Variants in DNAH12 observed in about 807,000 individuals in gnomAD.
DNAH12 encodes the protein axonemal beta dynein heavy chain 12.
In DNAH12, 285 loss-of-function variants were observed where a neutral mutation model predicts 371.5. The ratio of observed to expected loss-of-function variants is 0.77; its 90% CI spans 0.70 to 0.85. The LOEUF (loss-of-function observed/expected upper bound fraction) is 0.85. DNAH12 is among the 40% of genes least tolerant of loss of function. The pLI, the probability that DNAH12 is intolerant of heterozygous loss-of-function variation, is 0.00. For missense variants in DNAH12, 3,611 were observed against 3,689.4 expected, an observed-to-expected ratio of 0.98 and a Z score of 0.55; for synonymous variants, 1,200 against 1,213.0, an observed-to-expected ratio of 0.99 and a Z score of 0.22.
chr3:57,456,161 T>C (rs193290939), intron 22 of DNAH12, among the ~76,000 whole-genome samples: 130 of 152,346 alleles, frequency 8.5e-4, no homozygotes, highest in African/African-American at 2.9e-3. Flanking sequence ...TCAATTTCTA[T>C]ACTGATTAAA....
Position 57,314,573 on chromosome 3 carries a change from T to G in DNAH12, c.10583A>C (p.Lys3528Thr). ...ATTCCAACCAAGAGGACCAAATTTC[T>G]TTCTCTCTTGCACAAGGGCATGAAA... ...CFFHALVQER[K>T]KFGPLGWNIP... is the part of the protein sequence containing the mutation. Residue 3528 changes from lysine (K) to threonine (T), a missense_variant, in exon 66 of 74, where the codon AAG (lysine) becomes ACG (threonine). By Grantham distance (78) the Lys-to-Thr change is moderately conservative. Around this residue, in one of 3 missense-constraint regions of DNAH12, gnomAD observed 2,266 missense variants for 2,236.9 expected, o/e 1.01. Transcript: ENST00000495027. The G allele has an allele frequency of 6.4e-7, 1 of 1,551,446 alleles. No homozygotes were observed. The highest frequency in any genetic ancestry group is 8.7e-7 in the Non-Finnish European group (1 of 1,146,932).
At chr3:57,422,756 A>C (rs1384522856) in intron 35 of DNAH12, among the ~76,000 whole-genome samples, 1 of 152,268 alleles carries the variant, frequency 6.6e-6, no homozygotes, top group Non-Finnish European at 1.5e-5. Flanking sequence ...TGACACATGT[A>C]CAAGAATATT....
chr3:57,456,489 T>C (rs1422321360), intron 22 of DNAH12, among the ~76,000 whole-genome samples: 1 of 152,162 alleles, frequency 6.6e-6, no homozygotes, highest in Non-Finnish European at 1.5e-5. Context: ...TGGATTAACA[T>C]AAGTGAGATA....
intron 34 of DNAH12, chr3:57,428,367 A>G (rs1032676537): frequency 2.3e-5 from 31 of 1,321,628 alleles, no homozygotes; most frequent in Non-Finnish European, 2.8e-5. Context: ...TTAGAGGCAC[A>G]TATTTAAAAT....
At chr3:57,393,498 C>T (rs1456155537) in intron 44 of DNAH12, among the ~76,000 whole-genome samples, 14,308 of 151,352 alleles carry the variant, frequency 0.095, 1,320 homozygotes, top group East Asian at 0.51. Context: ...TGGTGGCAGG[C>T]GCCTGTGGTT....
intron 10 of DNAH12, 72 bp from the exon 11 acceptor site, chr3:57,501,484 T>C: frequency 9.4e-7 from 1 of 1,058,918 alleles, no homozygotes; most frequent in South Asian, 1.5e-5. Context: ...TTTTATATGA[T>C]CATGGAATGG....
chr3:57,510,652 A>C lies in DNAH12; in HGVS notation c.469+138T>G, dbSNP rs1182254785. ...TCATGTCTCGAAGAAAAAAAATAAA[A>C]AGAAAAGAAGAAAAAAACCAGATAT... On this transcript the variant is annotated intron_variant, in intron 5 of 73. Coordinates refer to ENST00000495027, the MANE Select transcript of DNAH12 (RefSeq NM_001366028.2). The C allele has an allele frequency of 5.1e-6, 4 of 786,004 alleles. No individual in the cohort carries two copies. The African/African-American group carries it at 7.2e-5, about 14-fold the overall frequency. The allele number at this position is 786,004 out of a possible 1,614,324, so 48.7% of individuals were successfully genotyped here.
chr3:57,501,289 A>T (rs2067534142), intron 11 of DNAH12, 32 bp downstream of exon 11: 2 of 1,542,222 alleles, frequency 1.3e-6, no homozygotes, highest in African/African-American at 2.8e-5. Context: ...AAAAATTCAA[A>T]ACGCATTAAT....
intron 32 of DNAH12, 144 bp from the exon 33 acceptor site, chr3:57,429,918 G>C (rs1008725246): frequency 9.2e-6 from 6 of 654,364 alleles, no homozygotes; most frequent in Non-Finnish European, 1.5e-5. Flanking sequence ...TTAATTCTAG[G>C]TCTAGCCCTG....
intron 29 of DNAH12, among the ~76,000 whole-genome samples, chr3:57,442,799 A>G (rs2065349200): frequency 1.3e-5 from 2 of 152,238 alleles, no homozygotes; most frequent in South Asian, 4.1e-4. Context: ...TAAAATGCAT[A>G]TTAGTATTTG....
chr3:57,409,644 A>G (rs1183230898), intron 39 of DNAH12, among the ~76,000 whole-genome samples: 1 of 152,164 alleles, frequency 6.6e-6, no homozygotes, highest in African/African-American at 2.4e-5. Context: ...GATTATCTCA[A>G]CAATGGTTAT....
At chr3:57,548,642 G>A (rs1391731376), upstream of DNAH12, among the ~76,000 whole-genome samples, 1 of 152,092 alleles carries the variant, frequency 6.6e-6, no homozygotes, top group East Asian at 1.9e-4. Flanking sequence ...GGAGGTCGAG[G>A]CTGCAGTAAG....
At position 57,408,276 on chromosome 3, in the gene DNAH12, T is replaced by C. The variant is rs573571867; in HGVS notation, c.6276+4A>G. 124 of 1,528,522 alleles carry C rather than the reference T, an allele frequency of 8.1e-5. 1 individual carries two copies. In the South Asian group the frequency reaches 1.5e-3, roughly 19 times the overall value. 94.7% of individuals were successfully genotyped at this position (1,528,522 alleles called of 1,614,324 possible). A position where few individuals can be genotyped will look rare whatever the true frequency, so the allele number is the denominator to read the frequency against. On this transcript the variant is annotated splice_donor_region_variant and intron_variant, in intron 40 of 73. Transcript: ENST00000495027. ...AAAACATTTACATTGCATTATTGAC[T>C]GACCTCCATAGTCCCATTGACTATC... is the stretch of plus-strand genomic sequence containing the variant.
rs1463591997 is a variant in DNAH12, at chr3:57,501,319, A to T, written c.1335+2T>A. 6.3e-7 allele frequency: 1 copy of T among 1,599,524 alleles called. No individual in the cohort carries two copies. The highest frequency in any genetic ancestry group is 2.3e-5 in the East Asian group (1 of 44,094). The stretch of plus-strand genomic sequence containing the variant: ...ATTAATAAAAACAGAATTACCGCTT[A>T]CCTCTGTATATTCATCAAAAGTATG... On this transcript the variant is annotated splice_donor_variant, in intron 11 of 73. Transcript: ENST00000495027. LOFTEE classifies it high-confidence loss of function.
At chr3:57,387,596 T>TA (rs1239130009) in intron 45 of DNAH12, among the ~76,000 whole-genome samples, 4 of 152,082 alleles carry the variant, frequency 2.6e-5, no homozygotes, top group African/African-American at 9.7e-5. Flanking sequence ...TCCTTAGGAC[T>TA]CCAATTTTAT....
chr3:57,336,114 T>C (rs2062216290), intron 60 of DNAH12, among the ~76,000 whole-genome samples: 1 of 152,202 alleles, frequency 6.6e-6, no homozygotes. Flanking sequence ...TCTGAGTAGC[T>C]GAGATTAGAG....
intron 32 of DNAH12, among the ~76,000 whole-genome samples, chr3:57,430,386 T>C (rs1453122897): frequency 1.2e-4 from 19 of 152,224 alleles, no homozygotes. Flanking sequence ...TATTATCATC[T>C]AATACTCAGT....
chr3:57,505,004 C>T (rs899850339), intron 8 of DNAH12, among the ~76,000 whole-genome samples: 2 of 152,192 alleles, frequency 1.3e-5, no homozygotes, highest in South Asian at 4.1e-4. Context: ...CCTCCCACCT[C>T]AGCCTCCTGA....
At chr3:57,455,013 A>G in intron 22 of DNAH12, 119 bp from the exon 23 acceptor site, 1 of 1,072,552 alleles carries the variant, frequency 9.3e-7, no homozygotes, top group Non-Finnish European at 1.2e-6. Flanking sequence ...TCATATAGTC[A>G]TAAAAAATGT....
Sources: allele counts gnomAD v4.1 joint callset (sites outside exome capture counted in the v4.1 genomes callset), GRCh38; gene constraint gnomAD v4.1.1; regional missense constraint gnomAD v4.1.1; transcripts MANE v1.5; gene names NCBI Gene and HGNC (gene_info 2026-07-23, HGNC 2026-07-21).